FAM118A: variants seen among roughly 807,000 people sequenced by gnomAD.
The protein encoded by FAM118A is protein FAM118A.
FAM118A carries 25 observed loss-of-function variants against 38.2 expected under a neutral mutation model. The ratio of observed to expected loss-of-function variants is 0.65; its 90% CI spans 0.48 to 0.91. FAM118A has a LOEUF of 0.91. FAM118A is among the 40% of genes least tolerant of loss of function. The pLI, the probability that FAM118A is intolerant of heterozygous loss-of-function variation, is 0.00. For missense variants in FAM118A, 425 were observed against 463.3 expected (o/e 0.92, Z 0.76); for synonymous variants, 178 against 184.1 (o/e 0.97, Z 0.27).
At position 45,332,594 on chromosome 22, in the gene FAM118A, A is replaced by T. The variant is rs1242755328; in HGVS notation, c.821A>T (p.His274Leu). The T allele has an allele frequency of 6.2e-7, 1 of 1,614,206 alleles. No homozygotes were observed. Residue 274 changes from histidine (H) to leucine (L), a missense_variant, in exon 6 of 9, where the codon CAT (histidine) becomes CTT (leucine). Physicochemically the swap from His to Leu is moderately conservative, Grantham distance 99 (BLOSUM62 -3). Coordinates refer to ENST00000441876, the MANE Select transcript of FAM118A (RefSeq NM_017911.4). ...GAGAATGAAGACCATTTCTTTAAGC[A>T]TCAGGCAGATATGCTTCTGCACGGA... is the stretch of plus-strand genomic sequence containing the variant. ...LKENEDHFFK[H>L]QADMLLHGIK... is the part of the protein sequence containing the mutation.
intron 1 of FAM118A, among the ~76,000 whole-genome samples, chr22:45,316,908 G>T (rs543217137): frequency 6.6e-6 from 1 of 152,120 alleles, no homozygotes; most frequent in Non-Finnish European, 1.5e-5. Context: ...GTGAGCATTC[G>T]GAAACTTTGC....
chr22:45,335,739 T>C (rs569539350), intron 7 of FAM118A, among the ~76,000 whole-genome samples: 27 of 152,384 alleles, frequency 1.8e-4, no homozygotes, highest in African/African-American at 6.3e-4. Flanking sequence ...TCTTCCGAAA[T>C]GTTCGTTGCA....
At chr22:45,327,714 A>G (rs1390945937) in intron 3 of FAM118A, 128 bp from the exon 4 acceptor site, 1 of 908,068 alleles carries the variant, frequency 1.1e-6, no homozygotes, top group Non-Finnish European at 1.7e-6. Context: ...GTTGCGGCGC[A>G]CGCTGTGAAG....
intron 5 of FAM118A, 59 bp downstream of exon 5, chr22:45,330,790 G>T: frequency 1.4e-6 from 2 of 1,444,056 alleles, no homozygotes; most frequent in South Asian, 3.1e-5. Flanking sequence ...GTGGCCACTG[G>T]CCATTGGCTG....
intron 1 of FAM118A, among the ~76,000 whole-genome samples, chr22:45,313,680 A>C (rs186714152): frequency 1.5e-3 from 228 of 152,276 alleles, no homozygotes; most frequent in Admixed American, 5.1e-3. Flanking sequence ...ATTTAGGAAG[A>C]AAAATCTACA....
chr22:45,335,270 C>T, intron 6 of FAM118A, 80 bp from the exon 7 acceptor site: 1 of 1,547,422 alleles, frequency 6.5e-7, no homozygotes, highest in Non-Finnish European at 8.9e-7. Context: ...CCTGCCGTTC[C>T]CAGTCACTGC....
intron 1 of FAM118A, among the ~76,000 whole-genome samples, chr22:45,320,207 G>A (rs1367872645): frequency 6.6e-6 from 1 of 152,114 alleles, no homozygotes; most frequent in African/African-American, 2.4e-5. Flanking sequence ...GCTCATGCCT[G>A]TAATCCCAGC....
At chr22:45,317,134 T>C (rs1034850884) in intron 1 of FAM118A, among the ~76,000 whole-genome samples, 6 of 152,228 alleles carry the variant, frequency 3.9e-5, no homozygotes, top group Admixed American at 6.5e-5. Flanking sequence ...CCCAGCACTT[T>C]GGGAAGCTGA....
In FAM118A at chr22:45,340,625, C is replaced by T. The variant is rs1160175653; in HGVS notation, c.*220C>T. The T allele has an allele frequency of 1.7e-6, 1 of 592,826 alleles. No individual in the cohort carries two copies. Among genetic ancestry groups the T allele is most frequent in the African/African-American group, 1.9e-5 (1 of 53,772 alleles). The allele number at this position is 592,826 out of a possible 1,614,324, so 36.7% of individuals were successfully genotyped here. Reference sequence around the variant, plus strand: ...GTGACGCGGACACATTTCAGGTGGACTTTGCAAGGACTGATGGATAGCTAC... The same window carrying T: ...GTGACGCGGACACATTTCAGGTGGATTTTGCAAGGACTGATGGATAGCTAC... On this transcript the variant is annotated 3_prime_UTR_variant, in exon 9 of 9. Coordinates refer to ENST00000441876, the MANE Select transcript of FAM118A (RefSeq NM_017911.4).
At chr22:45,315,933 C>T (rs1241469238) in intron 1 of FAM118A, among the ~76,000 whole-genome samples, 1 of 152,166 alleles carries the variant, frequency 6.6e-6, no homozygotes, top group Non-Finnish European at 1.5e-5. Context: ...TTCAGGTGAC[C>T]CTAGTCATGC....
chr22:45,324,915 C>T (rs2085150433), intron 3 of FAM118A, among the ~76,000 whole-genome samples: 1 of 152,202 alleles, frequency 6.6e-6, no homozygotes, highest in Non-Finnish European at 1.5e-5. Context: ...GGCGTGGTGG[C>T]AGGCGCCTGT....
intron 1 of FAM118A, among the ~76,000 whole-genome samples, chr22:45,321,132 T>G (rs2084853480): frequency 6.6e-6 from 1 of 152,226 alleles, no homozygotes; most frequent in Non-Finnish European, 1.5e-5. Context: ...TTTGTTTATT[T>G]TTGAGACGGA....
At chr22:45,335,272 A>C in intron 6 of FAM118A, 78 bp from the exon 7 acceptor site, 1 of 1,552,288 alleles carries the variant, frequency 6.4e-7, no homozygotes, top group Admixed American at 1.7e-5. Context: ...TGCCGTTCCC[A>C]GTCACTGCCT....
In FAM118A at chr22:45,341,835, G is replaced by A. The variant is rs1244648231; in HGVS notation, c.*1430G>A. On this transcript the variant is annotated 3_prime_UTR_variant, in exon 9 of 9. Coordinates refer to ENST00000441876, the MANE Select transcript of FAM118A (RefSeq NM_017911.4). Reference sequence around the variant, plus strand: ...TAGGTACAGATAAAGTTAAGAACAGGAAACAGAAGGGTAGGATGCATAGGG... The same window carrying A: ...TAGGTACAGATAAAGTTAAGAACAGAAAACAGAAGGGTAGGATGCATAGGG... The A allele has an allele frequency of 6.6e-6, 1 of 152,162 alleles. No homozygotes were observed. The highest frequency in any genetic ancestry group is 1.9e-4 in the East Asian group (1 of 5,202). The allele number at this position is 152,162 out of a possible 1,614,324, so 9.4% of individuals were successfully genotyped here.
intron 8 of FAM118A, among the ~76,000 whole-genome samples, chr22:45,337,235 C>T (rs758722340): frequency 2.0e-5 from 3 of 152,216 alleles, no homozygotes; most frequent in South Asian, 2.1e-4. Context: ...AGAAAGGAAA[C>T]GAGACCCCCA....
intron 8 of FAM118A, among the ~76,000 whole-genome samples, chr22:45,338,685 T>C (rs1328191627): frequency 2.0e-5 from 3 of 152,234 alleles, no homozygotes; most frequent in East Asian, 3.8e-4. Flanking sequence ...TTTAGTACTT[T>C]ATATAAGTAA....
chr22:45,330,766 C>T lies in FAM118A; in HGVS notation c.651+35C>T, dbSNP rs375756877. On this transcript the variant is annotated intron_variant, in intron 5 of 8. Transcript: ENST00000441876. ...GTCCTAATTAGCATCGGTGCGTCCT[C>T]TCAGGGATTACTGGTGGCCACTGGC... 10 of 1,487,560 alleles carry T rather than the reference C, an allele frequency of 6.7e-6. No individual in the cohort carries two copies. In the African/African-American group the frequency reaches 9.9e-5, roughly 15 times the overall value. 92.1% of individuals were successfully genotyped at this position (1,487,560 alleles called of 1,614,324 possible). A position where few individuals can be genotyped will look rare whatever the true frequency, so the allele number is the denominator to read the frequency against.
intron 8 of FAM118A, chr22:45,338,013 C>T (rs757677107): frequency 1.7e-5 from 8 of 463,348 alleles, no homozygotes; most frequent in Non-Finnish European, 2.3e-5. Context: ...ATCCTCTTTT[C>T]CCTTGATTAG....
chr22:45,310,724 G>A (rs1211103135), intron 1 of FAM118A, among the ~76,000 whole-genome samples: 1 of 152,148 alleles, frequency 6.6e-6, no homozygotes, highest in Admixed American at 6.5e-5. Flanking sequence ...CTCCTAAGCT[G>A]TGGTCCCCGC....
Sources: allele counts gnomAD v4.1 joint callset (sites outside exome capture counted in the v4.1 genomes callset), GRCh38; gene constraint gnomAD v4.1.1; transcripts MANE v1.5; gene names NCBI Gene and HGNC (gene_info 2026-07-23, HGNC 2026-07-21).